The following TPD52 variants were observed in gnomAD, a reference collection of about 807,000 sequenced individuals.
TPD52 encodes the protein tumor protein D52.
In TPD52, 17 loss-of-function variants were observed where a neutral mutation model predicts 31.3. The ratio of observed to expected loss-of-function variants is 0.54; its 90% CI spans 0.37 to 0.82. The LOEUF (loss-of-function observed/expected upper bound fraction) is 0.82. Ranked by LOEUF, TPD52 falls within the 40% of genes least tolerant of loss-of-function variation. TPD52 has a pLI of 0.00. For synonymous variants in TPD52, 83 were observed against 89.6 expected, an observed-to-expected ratio of 0.93 and a Z score of 0.42; for missense variants, 212 against 240.1, an observed-to-expected ratio of 0.88 and a Z score of 0.77.
chr8:80,066,309 T>C (rs564714400), intron 1 of TPD52, among the ~76,000 whole-genome samples: 1 of 152,206 alleles, frequency 6.6e-6, no homozygotes, highest in East Asian at 1.9e-4. Flanking sequence ...ATAATAATAA[T>C]CATCAGCATG....
intron 1 of TPD52, among the ~76,000 whole-genome samples, chr8:80,162,976 C>T (rs1040296317): frequency 3.3e-5 from 5 of 151,612 alleles, no homozygotes; most frequent in Admixed American, 2.6e-4. Context: ...CGGGAAATAA[C>T]GAGTGTTGAT....
chr8:80,042,196 C>A, intron 7 of TPD52: 2 of 985,280 alleles, frequency 2.0e-6, no homozygotes, highest in Non-Finnish European at 2.4e-6. Context: ...TTTTTTAAAG[C>A]GTAACAGCAT....
chr8:80,099,568 T>G (rs1806583779), intron 1 of TPD52, among the ~76,000 whole-genome samples: 1 of 149,882 alleles, frequency 6.7e-6, no homozygotes, highest in Non-Finnish European at 1.5e-5. Flanking sequence ...TGAAGTGCAG[T>G]GGTGTGATCT....
At chr8:80,107,075 T>A (rs1299120234) in intron 1 of TPD52, among the ~76,000 whole-genome samples, 2 of 151,976 alleles carry the variant, frequency 1.3e-5, no homozygotes. Flanking sequence ...ATTGTCTAGA[T>A]CTCCTGACCT....
chr8:80,074,343 T>C (rs7845122), intron 1 of TPD52, among the ~76,000 whole-genome samples: 57,445 of 152,142 alleles, frequency 0.38, 11,649 homozygotes, highest in East Asian at 0.7. Flanking sequence ...TTTTTCCCCA[T>C]GTTAAGTCTG....
At chr8:80,094,848 T>C (rs1816609883) in intron 1 of TPD52, among the ~76,000 whole-genome samples, 1 of 151,916 alleles carries the variant, frequency 6.6e-6, no homozygotes, top group African/African-American at 2.4e-5. Flanking sequence ...TTCCTGAAAA[T>C]ATAAGCAAGA....
chr8:80,164,058 G>GAAAA (rs146809127), intron 1 of TPD52, among the ~76,000 whole-genome samples: 1 of 140,974 alleles, frequency 7.1e-6, no homozygotes, highest in Non-Finnish European at 1.5e-5. Context: ...GAGAGAGACA[G>GAAAA]ACAGACAGAA....
At chr8:80,114,151 A>G (rs1260312116) in intron 1 of TPD52, among the ~76,000 whole-genome samples, 1 of 152,078 alleles carries the variant, frequency 6.6e-6, no homozygotes, top group African/African-American at 2.4e-5. Context: ...AGGTGGGGGA[A>G]TTGCTTGAAC....
At chr8:80,121,754 C>T (rs1031649599) in intron 1 of TPD52, among the ~76,000 whole-genome samples, 2 of 152,160 alleles carry the variant, frequency 1.3e-5, no homozygotes, top group Admixed American at 6.5e-5. Flanking sequence ...AAACCTGCAT[C>T]GGATGGTCCT....
At chr8:80,068,838 A>G (rs931163790) in intron 1 of TPD52, among the ~76,000 whole-genome samples, 1 of 152,212 alleles carries the variant, frequency 6.6e-6, no homozygotes, top group African/African-American at 2.4e-5. Flanking sequence ...TACATTTTAC[A>G]TCTTTGAGAT....
At chr8:80,050,358 A>G in intron 5 of TPD52, 87 bp downstream of exon 5, 6 of 1,329,280 alleles carry the variant, frequency 4.5e-6, no homozygotes, top group Admixed American at 2.5e-5. Flanking sequence ...GACAAACACG[A>G]TCATCCAACG....
intron 1 of TPD52, among the ~76,000 whole-genome samples, chr8:80,089,242 A>C (rs1014989192): frequency 1.3e-5 from 2 of 152,230 alleles, no homozygotes; most frequent in African/African-American, 2.4e-5. Context: ...GACAATCAAC[A>C]GATGCTGGAG....
chr8:80,106,653 G>A (rs1807139184), intron 1 of TPD52, among the ~76,000 whole-genome samples: 1 of 150,248 alleles, frequency 6.7e-6, no homozygotes, highest in South Asian at 2.1e-4. Context: ...ACTGTGTCCA[G>A]CCTCAAATAG....
At chr8:80,101,203 T>C (rs1293258465) in intron 1 of TPD52, among the ~76,000 whole-genome samples, 2 of 152,170 alleles carry the variant, frequency 1.3e-5, no homozygotes, top group African/African-American at 4.8e-5. Flanking sequence ...ATCCCAGCAC[T>C]TTGGGAGGCT....
intron 1 of TPD52, among the ~76,000 whole-genome samples, chr8:80,084,305 C>G (rs1217756917): frequency 6.6e-6 from 1 of 152,206 alleles, no homozygotes; most frequent in South Asian, 2.1e-4. Context: ...ATCTGGTCCA[C>G]GCAGACACCC....
chr8:80,166,733 A>T (rs1165668694), intron 1 of TPD52, among the ~76,000 whole-genome samples: 3 of 151,494 alleles, frequency 2.0e-5, no homozygotes, highest in Non-Finnish European at 4.4e-5. Flanking sequence ...ATGAAACCCC[A>T]TCTCTACTAA....
intron 1 of TPD52, among the ~76,000 whole-genome samples, chr8:80,165,246 G>A (rs370607602): frequency 1.0e-3 from 156 of 152,302 alleles, no homozygotes; most frequent in African/African-American, 3.5e-3. Context: ...GAAAGCAAAC[G>A]CTCGCACATG....
intron 1 of TPD52, among the ~76,000 whole-genome samples, chr8:80,094,482 A>ATATATATATATG (rs1816575463): frequency 9.5e-6 from 1 of 105,014 alleles, no homozygotes; most frequent in Non-Finnish European, 2.0e-5. Context: ...ATATATATAT[A>ATATATATATATG]TATGTATGTA....
chr8:80,124,154 TTC>T (rs768592021), intron 1 of TPD52, among the ~76,000 whole-genome samples: 3 of 139,128 alleles, frequency 2.2e-5, no homozygotes, highest in East Asian at 2.2e-4. Flanking sequence ...ATCAGCATGT[TTC>T]TCTCTCTCTC....
Sources: allele counts gnomAD v4.1 joint callset (sites outside exome capture counted in the v4.1 genomes callset), GRCh38; gene constraint gnomAD v4.1.1; transcripts MANE v1.5; gene names NCBI Gene and HGNC (gene_info 2026-07-23, HGNC 2026-07-21).